Variants in CSMD1 observed in about 807,000 individuals in gnomAD.
CSMD1 encodes the protein CUB and sushi domain-containing protein 1.
CSMD1 carries 213 observed loss-of-function variants against 417.5 expected under a neutral mutation model. That is an observed-to-expected ratio of 0.51 (90% CI 0.46 to 0.57). The LOEUF (loss-of-function observed/expected upper bound fraction) is 0.57, where lower values mean the gene tolerates loss of function less well. Among genes scored for constraint, CSMD1 ranks in the 20% least tolerant of loss-of-function variants. The probability of loss-of-function intolerance (pLI) is 0.00; values close to 1 mark genes in which losing one functional copy is unlikely to be tolerated. For missense variants in CSMD1, 6,923 were observed against 4,529.7 expected, an observed-to-expected ratio of 1.53 and a Z score of -15.17; for synonymous variants, 2,862 against 1,736.8, an observed-to-expected ratio of 1.65 and a Z score of -16.11.
At chr8:3,011,745 T>A (rs922706497) in intron 52 of CSMD1, among the ~76,000 whole-genome samples, 1 of 152,222 alleles carries the variant, frequency 6.6e-6, no homozygotes, top group Non-Finnish European at 1.5e-5. Context: ...TGGGTTCTTA[T>A]GTGCTGAAAA....
At chr8:4,943,150 G>C (rs1808130868) in intron 1 of CSMD1, among the ~76,000 whole-genome samples, 1 of 152,158 alleles carries the variant, frequency 6.6e-6, no homozygotes, top group Non-Finnish European at 1.5e-5. Context: ...CTTCTAATCA[G>C]TTAGTAAGGT....
At chr8:3,970,678 A>G (rs1813019201) in intron 5 of CSMD1, among the ~76,000 whole-genome samples, 1 of 152,184 alleles carries the variant, frequency 6.6e-6, no homozygotes, top group Non-Finnish European at 1.5e-5. Flanking sequence ...TGGAACCTCT[A>G]ATAAAATGTA....
rs561119193 is a variant in CSMD1, at chr8:3,826,613, G to C, written c.819-72571C>G. 6.2e-4 allele frequency among the ~76,000 whole-genome samples: 95 copies of C among 152,194 alleles called. 1 individual carries two copies. The highest frequency in any genetic ancestry group is 3.4e-3 in the Middle Eastern group (1 of 294). Reference sequence around the variant, plus strand: ...CCAGCCCAGCTTTCCTCTCAGTCCCGTTCTGCTGAGTATTACATCTGGATT... The same window carrying C: ...CCAGCCCAGCTTTCCTCTCAGTCCCCTTCTGCTGAGTATTACATCTGGATT... On this transcript the variant is annotated intron_variant, in intron 5 of 69. Coordinates refer to ENST00000635120, the MANE Select transcript of CSMD1 (RefSeq NM_033225.6).
Position 4,308,422 on chromosome 8 carries a change from A to G in CSMD1, c.415+111531T>C, listed in dbSNP as rs559445431. On this transcript the variant is annotated intron_variant, in intron 3 of 69. Transcript: ENST00000635120. ...GTGCATGTGTGTGTGTGTTATGTGGAAAGTCTGATGATGGGAAAAAAGGTT... is the reference window on the plus strand; with the variant it reads ...GTGCATGTGTGTGTGTGTTATGTGGGAAGTCTGATGATGGGAAAAAAGGTT... Among the ~76,000 whole-genome samples the G allele has an allele frequency of 4.3e-5, 5 of 115,654 alleles. No individual in the cohort carries two copies. The South Asian group carries it at 9.0e-4, about 21-fold the overall frequency. The allele number at this position is 115,654 out of a possible 152,430, so 75.9% of individuals were successfully genotyped here.
chr8:3,374,856 C>T (rs1305951546), intron 18 of CSMD1, among the ~76,000 whole-genome samples: 1 of 152,134 alleles, frequency 6.6e-6, no homozygotes, highest in Admixed American at 6.5e-5. Context: ...CTTCCCCAGA[C>T]CCTGCCAAAG....
chr8:3,568,888 A>C (rs1363180668), intron 10 of CSMD1, among the ~76,000 whole-genome samples: 1 of 152,134 alleles, frequency 6.6e-6, no homozygotes, highest in African/African-American at 2.4e-5. Flanking sequence ...GATACATTTA[A>C]ACTTTCCAAT....
At chr8:3,974,727 C>T (rs1813313054) in intron 5 of CSMD1, among the ~76,000 whole-genome samples, 1 of 151,498 alleles carries the variant, frequency 6.6e-6, no homozygotes, top group African/African-American at 2.4e-5. Flanking sequence ...AAGAACAGAA[C>T]AGGCAAAACT....
At chr8:3,373,781 C>G (rs1413982460) in intron 18 of CSMD1, 2 of 152,084 alleles carry the variant, frequency 1.3e-5, no homozygotes, top group African/African-American at 4.8e-5. Context: ...GCTATAATTT[C>G]TTGAATTTTA....
chr8:4,585,351 G>C (rs11997595), intron 2 of CSMD1, among the ~76,000 whole-genome samples: 18,974 of 152,004 alleles, frequency 0.12, 1,320 homozygotes, highest in African/African-American at 0.19. Flanking sequence ...GAGGATTAGA[G>C]AACTAGAAAA....
chr8:4,861,402 G>A (rs1333492710), intron 1 of CSMD1, among the ~76,000 whole-genome samples: 1 of 152,094 alleles, frequency 6.6e-6, no homozygotes, highest in Non-Finnish European at 1.5e-5. Context: ...TTACTACGCT[G>A]TAAACATCCA....
chr8:4,990,804 C>T (rs1246223201), intron 1 of CSMD1, among the ~76,000 whole-genome samples: 2 of 152,140 alleles, frequency 1.3e-5, no homozygotes, highest in East Asian at 1.9e-4. Context: ...TCTTAGCATA[C>T]TTCTTGGTGG....
chr8:3,680,988 G>A (rs1191797935), intron 7 of CSMD1, among the ~76,000 whole-genome samples: 4 of 152,028 alleles, frequency 2.6e-5, no homozygotes, highest in South Asian at 4.1e-4. Context: ...AAATTCAACA[G>A]CCCTTCATGC....
intron 7 of CSMD1, among the ~76,000 whole-genome samples, chr8:3,638,833 C>A (rs370011516): frequency 6.6e-6 from 1 of 152,128 alleles, no homozygotes; most frequent in East Asian, 1.9e-4. Context: ...CACACCTTGT[C>A]TCCAGGAAGA....
At chr8:4,404,609 T>G (rs1804882432) in intron 3 of CSMD1, among the ~76,000 whole-genome samples, 1 of 152,150 alleles carries the variant, frequency 6.6e-6, no homozygotes, top group South Asian at 2.1e-4. Flanking sequence ...AAATGGCAAT[T>G]TCTTTTGCAC....
chr8:4,756,177 T>C (rs1233544499), intron 1 of CSMD1, among the ~76,000 whole-genome samples: 1 of 152,232 alleles, frequency 6.6e-6, no homozygotes, highest in Non-Finnish European at 1.5e-5. Flanking sequence ...TGCACACACA[T>C]TTCTGGAAAA....
chr8:4,458,932 T>A (rs936363703), intron 2 of CSMD1, among the ~76,000 whole-genome samples: 7 of 152,328 alleles, frequency 4.6e-5, no homozygotes, highest in African/African-American at 1.7e-4. Context: ...TTTCTGGAAG[T>A]GCATTAAGCT....
intron 3 of CSMD1, among the ~76,000 whole-genome samples, chr8:4,196,126 G>T (rs1372416629): frequency 1.3e-5 from 2 of 152,098 alleles, no homozygotes; most frequent in Non-Finnish European, 2.9e-5. Flanking sequence ...CAGGAGAATG[G>T]CTTGAACCCG....
chr8:4,573,407 G>C (rs1798980534), intron 2 of CSMD1, among the ~76,000 whole-genome samples: 1 of 152,102 alleles, frequency 6.6e-6, no homozygotes, highest in Admixed American at 6.5e-5. Context: ...GAGTTTGCTG[G>C]AGGTCCACTC....
intron 8 of CSMD1, among the ~76,000 whole-genome samples, chr8:3,601,213 C>T (rs779068954): frequency 5.9e-5 from 9 of 152,140 alleles, no homozygotes; most frequent in Non-Finnish European, 1.2e-4. Flanking sequence ...GCTCATTGGC[C>T]TCACATCTTT....
Sources: gnomAD v4.1 joint callset for allele counts (sites outside exome capture counted in the v4.1 genomes callset) on GRCh38, gnomAD v4.1.1 for gene constraint, MANE v1.5 for transcripts, NCBI Gene and HGNC (gene_info 2026-07-23, HGNC 2026-07-21) for gene names.